Variants in HMGCLL1 observed in about 807,000 individuals in gnomAD.
HMGCLL1 encodes 3-hydroxy-3-methylglutaryl-CoA lyase like 1, also known as 3-hydroxymethyl-3-methylglutaryl-CoA lyase, cytoplasmic.
A neutral mutation model predicts 39.1 loss-of-function variants in HMGCLL1; 36 were observed. The observed-to-expected ratio is 0.92, with a 90% confidence interval of 0.71 to 1.22. The LOEUF is 1.22. HMGCLL1 is among the 50% of genes most tolerant of loss of function. HMGCLL1 has a pLI of 0.00. For synonymous variants in HMGCLL1, 149 were observed against 144.0 expected (o/e 1.03, Z -0.25); for missense variants, 451 against 416.5 (o/e 1.08, Z -0.72).
chr6:55,452,567 C>T (rs561185125), intron 7 of HMGCLL1, among the ~76,000 whole-genome samples: 15 of 152,026 alleles, frequency 9.9e-5, no homozygotes, highest in Middle Eastern at 3.2e-3. Context: ...TATTATCATC[C>T]TCATTTTTTA....
intron 7 of HMGCLL1, among the ~76,000 whole-genome samples, chr6:55,486,521 C>T (rs1766041662): frequency 6.6e-6 from 1 of 152,068 alleles, no homozygotes; most frequent in South Asian, 2.1e-4. Flanking sequence ...TAGGTCTCTG[C>T]ATCTGTTCTC....
the HMGCLL1 span, among the ~76,000 whole-genome samples, chr6:55,635,748 T>A: frequency 0.046 from 6,960 of 152,194 alleles, 206 homozygotes; most frequent in Middle Eastern, 0.15. Context: ...TAAAGAGAGC[T>A]CAAGTGGTAG....
chr6:55,515,247 A>C (rs1022303494), intron 4 of HMGCLL1, among the ~76,000 whole-genome samples: 4 of 127,412 alleles, frequency 3.1e-5, no homozygotes, highest in Admixed American at 3.1e-4. Flanking sequence ...GCAAAGCTCC[A>C]TCTCAGAAAA....
At chr6:55,494,388 C>T (rs1271892288) in intron 7 of HMGCLL1, among the ~76,000 whole-genome samples, 2 of 152,116 alleles carry the variant, frequency 1.3e-5, no homozygotes, top group African/African-American at 2.4e-5. Context: ...TGAAGTGCTG[C>T]CTAGTTTTCT....
the HMGCLL1 span, among the ~76,000 whole-genome samples, chr6:55,611,754 A>T: frequency 2.6e-5 from 4 of 152,226 alleles, 1 homozygote; most frequent in Non-Finnish European, 5.9e-5. Context: ...AAAATGCAAC[A>T]TCTCTTTATG....
At chr6:55,439,366 T>G in intron 8 of HMGCLL1, 68 bp downstream of exon 8, 1 of 1,503,918 alleles carries the variant, frequency 6.6e-7, no homozygotes, top group East Asian at 2.3e-5. Context: ...GCTTCCCACA[T>G]CTTAGAAGCT....
the HMGCLL1 span, among the ~76,000 whole-genome samples, chr6:55,666,125 A>C: frequency 6.6e-6 from 1 of 151,636 alleles, no homozygotes; most frequent in East Asian, 1.9e-4. Context: ...ATGTACTTCT[A>C]TAAACCCTCT....
At chr6:55,622,512 A>G in the HMGCLL1 span, among the ~76,000 whole-genome samples, 7 of 152,058 alleles carry the variant, frequency 4.6e-5, no homozygotes, top group Admixed American at 3.9e-4. Flanking sequence ...CTGTTTTAGT[A>G]TCAGTTGAGA....
the HMGCLL1 span, among the ~76,000 whole-genome samples, chr6:55,651,976 G>A: frequency 1.3e-5 from 2 of 151,996 alleles, no homozygotes; most frequent in Non-Finnish European, 2.9e-5. Context: ...ATGAAGGAGG[G>A]GTGGTATTGT....
the HMGCLL1 span, among the ~76,000 whole-genome samples, chr6:55,588,051 G>A: frequency 2.0e-5 from 3 of 152,074 alleles, no homozygotes; most frequent in Non-Finnish European, 4.4e-5. Flanking sequence ...GCATCAAGTG[G>A]ACCTAATAGA....
chr6:55,661,356 A>C, the HMGCLL1 span, among the ~76,000 whole-genome samples: 1 of 151,876 alleles, frequency 6.6e-6, no homozygotes, highest in Non-Finnish European at 1.5e-5. Flanking sequence ...TGGGTTTTAC[A>C]TTTAAGTCTT....
chr6:55,547,336 T>C (rs896165568), intron 1 of HMGCLL1, among the ~76,000 whole-genome samples: 2 of 152,014 alleles, frequency 1.3e-5, no homozygotes, highest in Non-Finnish European at 2.9e-5. Context: ...GTGTGTATGC[T>C]TGTGTGTAGC....
chr6:55,621,662 A>G, the HMGCLL1 span, among the ~76,000 whole-genome samples: 2 of 151,980 alleles, frequency 1.3e-5, no homozygotes, highest in African/African-American at 4.8e-5. Context: ...TTTCTACATT[A>G]TGGTGAGTTA....
At chr6:55,596,366 T>A in the HMGCLL1 span, among the ~76,000 whole-genome samples, 1 of 152,068 alleles carries the variant, frequency 6.6e-6, no homozygotes, top group Non-Finnish European at 1.5e-5. Flanking sequence ...GAATTGAAAA[T>A]CTTTAGTACA....
At chr6:55,664,655 A>T in the HMGCLL1 span, among the ~76,000 whole-genome samples, 1 of 151,726 alleles carries the variant, frequency 6.6e-6, no homozygotes, top group Non-Finnish European at 1.5e-5. Flanking sequence ...TTATTTAACA[A>T]TTTCCGTGGG....
chr6:55,577,066 C>G (rs748574453), intron 1 of HMGCLL1: 8 of 1,613,090 alleles, frequency 5.0e-6, no homozygotes, highest in Middle Eastern at 1.7e-4. Context: ...GATGGGGCAT[C>G]TGGATATTTA....
upstream of HMGCLL1, among the ~76,000 whole-genome samples, chr6:55,583,203 T>C (rs992036934): frequency 1.3e-5 from 2 of 151,774 alleles, no homozygotes; most frequent in African/African-American, 4.8e-5. Flanking sequence ...CTTTTTTTTA[T>C]TATTATTATA....
At chr6:55,449,564 G>A (rs757241324) in intron 7 of HMGCLL1, among the ~76,000 whole-genome samples, 1 of 152,126 alleles carries the variant, frequency 6.6e-6, no homozygotes, top group Non-Finnish European at 1.5e-5. Context: ...CAATTGGAAC[G>A]GATATACCAA....
chr6:55,672,724 G>T, the HMGCLL1 span, among the ~76,000 whole-genome samples: 1 of 151,844 alleles, frequency 6.6e-6, no homozygotes, highest in Non-Finnish European at 1.5e-5. Flanking sequence ...ATATGTAATT[G>T]CAAAATACTA....
Sources: allele counts gnomAD v4.1 joint callset (sites outside exome capture counted in the v4.1 genomes callset), GRCh38; gene constraint gnomAD v4.1.1; transcripts MANE v1.5; gene names NCBI Gene and HGNC (gene_info 2026-07-23, HGNC 2026-07-21).